The following GLT1D1 variants were observed in gnomAD, a reference collection of about 807,000 sequenced individuals.
GLT1D1 encodes glycosyltransferase 1 domain-containing protein 1.
GLT1D1 carries 21 observed loss-of-function variants against 28.7 expected under a neutral mutation model. That is an observed-to-expected ratio of 0.73 (90% CI 0.52 to 1.05). The LOEUF is 1.05. Among genes scored for constraint, GLT1D1 ranks in the 50% least tolerant of loss-of-function variants. The probability of loss-of-function intolerance (pLI) is 0.00; values close to 1 mark genes in which losing one functional copy is unlikely to be tolerated. For synonymous variants in GLT1D1, 147 were observed against 124.8 expected, an observed-to-expected ratio of 1.18 and a Z score of -1.19; for missense variants, 343 against 330.6, an observed-to-expected ratio of 1.04 and a Z score of -0.29.
intron 1 of GLT1D1, among the ~76,000 whole-genome samples, chr12:128,874,059 C>CTTTCTTTCTTTCTTT (rs1956774983): frequency 2.9e-5 from 1 of 34,706 alleles, no homozygotes; most frequent in Non-Finnish European, 4.5e-5. Context: ...CTCCCTCCCT[C>CTTTCTTTCTTTCTTT]CTTTCTTTCT....
chr12:128,948,799 A>T (rs1251506940), intron 6 of GLT1D1, among the ~76,000 whole-genome samples: 1 of 152,166 alleles, frequency 6.6e-6, no homozygotes, highest in Non-Finnish European at 1.5e-5. Flanking sequence ...TCCTCTCCTT[A>T]CATTTAAGAA....
chr12:128,918,326 G>A (rs972510522), intron 4 of GLT1D1, among the ~76,000 whole-genome samples: 4 of 152,138 alleles, frequency 2.6e-5, no homozygotes, highest in Non-Finnish European at 4.4e-5. Flanking sequence ...GTAGGGCTGG[G>A]GGCATCAGGA....
At chr12:128,876,680 A>C (rs1428334342) in intron 2 of GLT1D1, among the ~76,000 whole-genome samples, 2 of 152,206 alleles carry the variant, frequency 1.3e-5, no homozygotes, top group Non-Finnish European at 2.9e-5. Flanking sequence ...CAAATAGAGC[A>C]CTTATGAAAG....
At chr12:128,906,715 CT>C (rs1004208679) in intron 4 of GLT1D1, among the ~76,000 whole-genome samples, 78 of 137,282 alleles carry the variant, frequency 5.7e-4, no homozygotes, top group Middle Eastern at 3.9e-3. Flanking sequence ...TGAGGTTTTT[CT>C]TTTTTTTTTT....
chr12:128,965,445 C>T (rs964434533), intron 7 of GLT1D1, among the ~76,000 whole-genome samples: 1 of 152,144 alleles, frequency 6.6e-6, no homozygotes, highest in African/African-American at 2.4e-5. Flanking sequence ...ATCTCAGGCT[C>T]GTGGGATGCT....
intron 4 of GLT1D1, among the ~76,000 whole-genome samples, chr12:128,911,539 GGT>G (rs1871533682): frequency 1.3e-5 from 2 of 152,116 alleles, no homozygotes; most frequent in African/African-American, 4.8e-5. Context: ...ATCAGGCTTA[GGT>G]CACATGACAA....
chr12:128,957,743 T>G (rs1021429075), intron 7 of GLT1D1, 100 bp downstream of exon 11: 3 of 794,672 alleles, frequency 3.8e-6, no homozygotes, highest in Non-Finnish European at 6.3e-6. Flanking sequence ...AGTATTCCTG[T>G]CCTACCCGGA....
intron 7 of GLT1D1, among the ~76,000 whole-genome samples, chr12:128,967,329 G>A (rs1423487265): frequency 6.6e-6 from 1 of 152,196 alleles, no homozygotes; most frequent in Non-Finnish European, 1.5e-5. Context: ...TGTGAGGCCC[G>A]GTAGAAAACA....
At chr12:128,958,112 C>G (rs144282527) in intron 7 of GLT1D1, among the ~76,000 whole-genome samples, 1 of 152,206 alleles carries the variant, frequency 6.6e-6, no homozygotes, top group African/African-American at 2.4e-5. Flanking sequence ...ACCTGTCCAT[C>G]GGTCCAGCTG....
At chr12:128,874,277 G>T (rs2135793639) in intron 1 of GLT1D1, among the ~76,000 whole-genome samples, 1 of 150,338 alleles carries the variant, frequency 6.7e-6, no homozygotes, top group Non-Finnish European at 1.5e-5. Flanking sequence ...TGCCTCCCGG[G>T]TTCAAGCAAT....
intron 4 of GLT1D1, among the ~76,000 whole-genome samples, chr12:128,936,865 TA>T (rs1363249889): frequency 2.0e-5 from 3 of 152,196 alleles, no homozygotes; most frequent in African/African-American, 7.2e-5. Context: ...TTTCATTAAA[TA>T]AAAATATCCC....
intron 4 of GLT1D1, 163 bp from the exon 9 acceptor site, chr12:128,945,163 G>A (rs368140642): frequency 9.7e-5 from 75 of 769,538 alleles, no homozygotes; most frequent in East Asian, 7.1e-4. Context: ...CGAGCCGGGG[G>A]CCCCCATGAT....
chr12:128,879,042 C>T (rs940748323), intron 2 of GLT1D1, among the ~76,000 whole-genome samples: 5 of 152,200 alleles, frequency 3.3e-5, no homozygotes, highest in Admixed American at 6.5e-5. Flanking sequence ...CAGTAGGAAC[C>T]TTTGTAAGGT....
chr12:128,944,724 G>A (rs1404088743), intron 4 of GLT1D1: 1 of 610,230 alleles, frequency 1.6e-6, no homozygotes, highest in East Asian at 3.5e-5. Context: ...TTCCTGAAGG[G>A]CCACGCCAAG....
intron 7 of GLT1D1, among the ~76,000 whole-genome samples, chr12:128,973,101 A>G (rs1879349527): frequency 6.7e-6 from 1 of 149,248 alleles, no homozygotes; most frequent in Non-Finnish European, 1.5e-5. Flanking sequence ...CTCTGTTTCT[A>G]TGAACTTGAC....
At chr12:128,861,315 G>A (rs892920672) in intron 1 of GLT1D1, among the ~76,000 whole-genome samples, 2 of 152,132 alleles carry the variant, frequency 1.3e-5, no homozygotes, top group Admixed American at 6.5e-5. Context: ...TCTGACCCAC[G>A]AACCCAAAGG....
At chr12:128,871,956 A>G (rs1956699194) in intron 1 of GLT1D1, among the ~76,000 whole-genome samples, 1 of 151,408 alleles carries the variant, frequency 6.6e-6, no homozygotes, top group African/African-American at 2.4e-5. Flanking sequence ...ATTTTTATTT[A>G]TTTATTTATT....
chr12:128,880,936 T>C (rs1957016365), intron 2 of GLT1D1, among the ~76,000 whole-genome samples: 1 of 152,140 alleles, frequency 6.6e-6, no homozygotes, highest in African/African-American at 2.4e-5. Context: ...AAAAAATATT[T>C]GTAGTCGGCC....
intron 1 of GLT1D1, among the ~76,000 whole-genome samples, chr12:128,854,127 C>T (rs1956145787): frequency 6.6e-6 from 1 of 152,178 alleles, no homozygotes; most frequent in Non-Finnish European, 1.5e-5. Flanking sequence ...TTCCCACCTC[C>T]CCTCTGCCCT....
Sources: gnomAD v4.1 joint callset for allele counts (sites outside exome capture counted in the v4.1 genomes callset) on GRCh38, gnomAD v4.1.1 for gene constraint, MANE v1.5 for transcripts, NCBI Gene and HGNC (gene_info 2026-07-23, HGNC 2026-07-21) for gene names.